The following RIPOR2 variants were observed in gnomAD, a reference collection of about 807,000 sequenced individuals.
The protein encoded by RIPOR2 is rho family-interacting cell polarization regulator 2.
Under a neutral mutation model 114.5 loss-of-function variants are expected in RIPOR2, and 39 were observed. The ratio of observed to expected loss-of-function variants is 0.34; its 90% CI spans 0.26 to 0.44. The LOEUF is 0.44. Ranked by LOEUF, RIPOR2 falls within the 20% of genes least tolerant of loss-of-function variation. The pLI is 1.00. For synonymous variants in RIPOR2, 445 were observed against 484.4 expected (o/e 0.92, Z 1.07); for missense variants, 1,007 against 1,255.1 (o/e 0.80, Z 2.99).
chr6:24,843,549 A>G lies in RIPOR2; in HGVS notation c.1170T>C (p.Asn390=). 1 of 1,509,652 alleles carries G rather than the reference A, an allele frequency of 6.6e-7. No individual in the cohort carries two copies. Among genetic ancestry groups the G allele is most frequent in the African/African-American group, 1.4e-5 (1 of 71,666 alleles). 93.5% of individuals were successfully genotyped at this position (1,509,652 alleles called of 1,614,324 possible). The stretch of plus-strand genomic sequence containing the variant: ...CATTTTCAAAGATGTCATCAGGTAG[A>G]TTTGACTATAGATAAAAGATACCTC... ...PTFKDHSFFS[N]LPDDIFENGK... is the part of the protein sequence containing the mutation. The change falls in exon 13 of 22, where the codon AAT becomes AAC. Residue 390 remains asparagine (N), a synonymous_variant. Transcript: ENST00000643898.
At chr6:24,927,502 T>C (rs543832257) in intron 1 of RIPOR2, among the ~76,000 whole-genome samples, 5 of 151,814 alleles carry the variant, frequency 3.3e-5, no homozygotes, top group African/African-American at 1.2e-4. Context: ...ATCACTACCA[T>C]CACCATCATA....
Position 24,850,618 on chromosome 6 carries a change from T to C in RIPOR2, c.864A>G (p.Ile288Met). ...DGEETVFLPL[I>M]VGFISIKVTE... ...GTACCTTGATGGAGATGAACCCAAC[T>C]ATCAGGGGCAGAAAAACTGTTTCTT... Residue 288 changes from isoleucine to methionine, a missense_variant, in exon 10 of 22, where the codon ATA becomes ATG. Coordinates refer to ENST00000643898, the MANE Select transcript of RIPOR2 (RefSeq NM_001286445.3). 3.1e-6 allele frequency: 5 copies of C among 1,613,906 alleles called. No individual in the cohort carries two copies. In the South Asian group the frequency reaches 5.5e-5, roughly 18 times the overall value.
At chr6:24,988,186 CT>C (rs914247350) in intron 1 of RIPOR2, among the ~76,000 whole-genome samples, 1 of 151,660 alleles carries the variant, frequency 6.6e-6, no homozygotes, top group Non-Finnish European at 1.5e-5. Context: ...TGAATAGCTT[CT>C]TTTTTTTTAT....
intron 1 of RIPOR2, among the ~76,000 whole-genome samples, chr6:24,889,533 G>T (rs1407800364): frequency 1.3e-5 from 2 of 152,092 alleles, no homozygotes; most frequent in Non-Finnish European, 2.9e-5. Context: ...ATTAATTATT[G>T]ATAAAGAGAT....
chr6:24,914,309 C>T (rs1220817978), intron 1 of RIPOR2, among the ~76,000 whole-genome samples: 1 of 151,958 alleles, frequency 6.6e-6, no homozygotes, highest in Non-Finnish European at 1.5e-5. Context: ...GCGCCTCCAG[C>T]CTGGGTGTCA....
At position 25,042,001 on chromosome 6, in the gene RIPOR2, G is replaced by A. The variant is rs918099330; in HGVS notation, c.-75C>T. 3 of 547,716 alleles carry A rather than the reference G, an allele frequency of 5.5e-6. No individual in the cohort carries two copies. In the African/African-American group the frequency reaches 5.9e-5, roughly 11 times the overall value. The allele number at this position is 547,716 out of a possible 1,614,324, so 33.9% of individuals were successfully genotyped here. A position where few individuals can be genotyped will look rare whatever the true frequency, so the allele number is the denominator to read the frequency against. ...GTCTTGCAGCTATCCTGGAAGTTAA[G>A]TCCAGACGTATAAAAATGAAAAAGA... On this transcript the variant is annotated 5_prime_UTR_variant, in exon 1 of 14. Coordinates refer to the RIPOR2 transcript ENST00000510784.
chr6:24,893,765 A>C (rs1479285839), intron 1 of RIPOR2, among the ~76,000 whole-genome samples: 1 of 152,208 alleles, frequency 6.6e-6, no homozygotes, highest in Admixed American at 6.5e-5. Context: ...GGGGAAGAGA[A>C]TCGTGTTGTC....
chr6:24,843,696 GCCGT>G, intron 12 of RIPOR2, 142 bp from the exon 13 acceptor site: 2 of 552,426 alleles, frequency 3.6e-6, no homozygotes, highest in Non-Finnish European at 6.2e-6. Context: ...ATTTGTTGAT[GCCGT>G]GTGTGTGTGT....
At chr6:24,930,369 A>C (rs146398996) in intron 1 of RIPOR2, among the ~76,000 whole-genome samples, 105 of 152,336 alleles carry the variant, frequency 6.9e-4, no homozygotes, top group African/African-American at 2.4e-3. Context: ...CTTGCTGCTC[A>C]TAGAGATATT....
In RIPOR2 at chr6:24,805,319, C is replaced by A. The variant is rs1581444071; in HGVS notation, c.*1054G>T. The A allele has an allele frequency of 6.6e-6, 1 of 150,844 alleles. No homozygotes were observed. Among genetic ancestry groups the A allele is most frequent in the Middle Eastern group, 3.5e-3 (1 of 288 alleles). The allele number at this position is 150,844 out of a possible 1,614,324, so 9.3% of individuals were successfully genotyped here. On this transcript the variant is annotated 3_prime_UTR_variant, in exon 22 of 22. Transcript: ENST00000643898. ...ATGTAGTTCTTAGTCATTTACTTAT[C>A]ATTTTTCCATAATGGAAACATGATT...
intron 1 of RIPOR2, 41 bp from the exon 2 acceptor site, chr6:24,875,858 T>C: frequency 6.4e-7 from 1 of 1,560,230 alleles, no homozygotes; most frequent in Non-Finnish European, 8.7e-7. Flanking sequence ...TATAGGCAGG[T>C]TCAGACAGAA....
intron 1 of RIPOR2, among the ~76,000 whole-genome samples, chr6:24,978,556 C>T (rs926033862): frequency 6.6e-6 from 1 of 152,122 alleles, no homozygotes; most frequent in African/African-American, 2.4e-5. Context: ...CCAGATGGTA[C>T]AATCTCTGAA....
At chr6:25,039,831 A>C (rs1297980463) in intron 1 of RIPOR2, among the ~76,000 whole-genome samples, 1 of 152,254 alleles carries the variant, frequency 6.6e-6, no homozygotes, top group Non-Finnish European at 1.5e-5. Flanking sequence ...AACATGATCA[A>C]GAAGGTAAAG....
rs1247320984 is a variant in RIPOR2, at chr6:24,843,046, G to A, written c.1673C>T (p.Ala558Val). 3 of 1,612,394 alleles carry A rather than the reference G, an allele frequency of 1.9e-6. No individual in the cohort carries two copies. The highest frequency in any genetic ancestry group is 2.5e-6 in the Non-Finnish European group (3 of 1,178,648). Residue 558 changes from alanine to valine, a missense_variant, in exon 13 of 22, where the codon GCC (alanine) becomes GTC (valine). Transcript: ENST00000643898. ...ACCCTCAGAGAGCAGCCTGTCTGTGGCCATTGGCACCTCTGCAGATGTGAG... is the reference window on the plus strand; with the variant it reads ...ACCCTCAGAGAGCAGCCTGTCTGTGACCATTGGCACCTCTGCAGATGTGAG... Reference protein sequence around the residue: ...KRLTSAEVPMATDRLLSEGSV... With the variant: ...KRLTSAEVPMVTDRLLSEGSV...
At chr6:24,857,381 C>T (rs1035987397) in intron 8 of RIPOR2, among the ~76,000 whole-genome samples, 3 of 152,130 alleles carry the variant, frequency 2.0e-5, no homozygotes, top group South Asian at 2.1e-4. Context: ...TCTGAGGATG[C>T]GCACTGGGGG....
At chr6:24,917,616 G>A (rs918874825) in intron 1 of RIPOR2, among the ~76,000 whole-genome samples, 3 of 151,964 alleles carry the variant, frequency 2.0e-5, no homozygotes, top group Admixed American at 6.5e-5. Flanking sequence ...TGCAACCTCC[G>A]CCTCCCGGGT....
chr6:24,892,858 A>G (rs1767499493), intron 1 of RIPOR2, among the ~76,000 whole-genome samples: 2 of 152,200 alleles, frequency 1.3e-5, no homozygotes, highest in African/African-American at 4.8e-5. Context: ...TCATTTTAAG[A>G]TACTTGGGAT....
chr6:24,820,152 C>A (rs1165844178), intron 19 of RIPOR2, among the ~76,000 whole-genome samples: 1 of 152,156 alleles, frequency 6.6e-6, no homozygotes, highest in Admixed American at 6.5e-5. Flanking sequence ...CCTGCCTCAG[C>A]CTCCCTAGTA....
intron 1 of RIPOR2, among the ~76,000 whole-genome samples, chr6:24,896,069 C>A (rs573639724): frequency 6.6e-6 from 1 of 152,180 alleles, no homozygotes; most frequent in Admixed American, 6.5e-5. Context: ...TTAAAAGGAG[C>A]CCCGTGTCAG....
Sources: gnomAD v4.1 joint callset for allele counts (sites outside exome capture counted in the v4.1 genomes callset) on GRCh38, gnomAD v4.1.1 for gene constraint, MANE v1.5 for transcripts, NCBI Gene and HGNC (gene_info 2026-07-23, HGNC 2026-07-21) for gene names.